Variants in PCSK5 observed in about 807,000 individuals in gnomAD.
The protein encoded by PCSK5 is prohormone convertase 5.
A neutral mutation model predicts 233.2 loss-of-function variants in PCSK5; 129 were observed. That is an observed-to-expected ratio of 0.55 (90% CI 0.48 to 0.64). The LOEUF (loss-of-function observed/expected upper bound fraction) is 0.64. PCSK5 is among the 30% of genes least tolerant of loss of function. The probability of loss-of-function intolerance (pLI) is 0.00; values close to 1 mark genes in which losing one functional copy is unlikely to be tolerated. For synonymous variants in PCSK5, 825 were observed against 879.2 expected (o/e 0.94, Z 1.09); for missense variants, 2,076 against 2,430.1 (o/e 0.85, Z 3.06).
chr9:76,112,177 C>T (rs1382124670), intron 9 of PCSK5, among the ~76,000 whole-genome samples: 1 of 152,072 alleles, frequency 6.6e-6, no homozygotes, highest in Non-Finnish European at 1.5e-5. Flanking sequence ...AATATATGTT[C>T]AGTAATCAAG....
chr9:75,914,096 A>G (rs1371382807), intron 1 of PCSK5, among the ~76,000 whole-genome samples: 1 of 152,226 alleles, frequency 6.6e-6, no homozygotes, highest in South Asian at 2.1e-4. Flanking sequence ...AATGTTATCT[A>G]CAAATCGTGT....
chr9:76,039,972 C>T (rs80029068), intron 5 of PCSK5, among the ~76,000 whole-genome samples: 2,195 of 152,314 alleles, frequency 0.014, 57 homozygotes, highest in African/African-American at 0.048. Context: ...CCTTGTCAAG[C>T]AAGGAGGAGC....
intron 1 of PCSK5, among the ~76,000 whole-genome samples, chr9:75,903,186 C>G (rs954807117): frequency 1.3e-5 from 2 of 152,090 alleles, no homozygotes; most frequent in African/African-American, 4.8e-5. Flanking sequence ...TTAGCCTAAA[C>G]TTTACTACCT....
intron 1 of PCSK5, among the ~76,000 whole-genome samples, chr9:75,897,363 T>C (rs1825850734): frequency 6.6e-6 from 1 of 151,488 alleles, no homozygotes; most frequent in Non-Finnish European, 1.5e-5. Flanking sequence ...CCAAGAGCCA[T>C]GGAGACAGGA....
At chr9:75,942,945 C>A (rs78364007) in intron 2 of PCSK5, among the ~76,000 whole-genome samples, 4 of 138,190 alleles carry the variant, frequency 2.9e-5, no homozygotes, top group Non-Finnish European at 6.0e-5. Flanking sequence ...AGAGCAGTGG[C>A]GCGATCTTGG....
chr9:76,353,330 A>G (rs555712619), intron 36 of PCSK5, among the ~76,000 whole-genome samples: 70 of 152,294 alleles, frequency 4.6e-4, no homozygotes, highest in African/African-American at 1.7e-3. Context: ...TCTCTTCCCA[A>G]AGAGATTTAA....
intron 16 of PCSK5, among the ~76,000 whole-genome samples, chr9:76,184,057 C>T (rs1342691885): frequency 6.6e-6 from 1 of 152,162 alleles, no homozygotes; most frequent in Non-Finnish European, 1.5e-5. Flanking sequence ...ATAGATTTCT[C>T]CAGAATAGAG....
intron 5 of PCSK5, among the ~76,000 whole-genome samples, chr9:76,055,682 C>G (rs368622285): frequency 5.1e-4 from 78 of 152,144 alleles, no homozygotes; most frequent in African/African-American, 1.8e-3. Flanking sequence ...GATAAAGGAG[C>G]CATGAAATCT....
chr9:76,244,490 G>A (rs1423395006), intron 24 of PCSK5, among the ~76,000 whole-genome samples: 1 of 151,264 alleles, frequency 6.6e-6, no homozygotes, highest in Non-Finnish European at 1.5e-5. Flanking sequence ...AGGGGAGTCA[G>A]AGAAAAGTGA....
chr9:76,242,912 C>T (rs60509536), intron 24 of PCSK5, among the ~76,000 whole-genome samples: 5,762 of 152,266 alleles, frequency 0.038, 328 homozygotes, highest in African/African-American at 0.13. Flanking sequence ...AGAAGATCTT[C>T]CTTCCATAGC....
At chr9:76,218,665 G>C (rs1297716837) in intron 20 of PCSK5, among the ~76,000 whole-genome samples, 1 of 151,518 alleles carries the variant, frequency 6.6e-6, no homozygotes, top group Non-Finnish European at 1.5e-5. Context: ...CATCCTATGA[G>C]AGAGAGAGAG....
intron 5 of PCSK5, among the ~76,000 whole-genome samples, chr9:76,054,314 A>G (rs146323847): frequency 2.0e-5 from 3 of 152,362 alleles, no homozygotes; most frequent in East Asian, 1.9e-4. Context: ...ATTTGAGAAG[A>G]CAACCAAAGT....
At chr9:76,246,758 G>A (rs1415269506) in intron 24 of PCSK5, among the ~76,000 whole-genome samples, 1 of 152,206 alleles carries the variant, frequency 6.6e-6, no homozygotes, top group African/African-American at 2.4e-5. Context: ...AAAGAGCAAA[G>A]ACGATCCGTA....
chr9:76,154,352 A>C (rs1018361694), intron 10 of PCSK5, among the ~76,000 whole-genome samples: 1 of 152,170 alleles, frequency 6.6e-6, no homozygotes, highest in African/African-American at 2.4e-5. Flanking sequence ...TTTCTACTTA[A>C]GTGGTTAACA....
intron 2 of PCSK5, among the ~76,000 whole-genome samples, chr9:75,952,897 CT>C (rs1385973346): frequency 6.6e-6 from 1 of 152,112 alleles, no homozygotes; most frequent in East Asian, 1.9e-4. Context: ...CACTATCCAC[CT>C]TTTGGTGTTT....
intron 1 of PCSK5, among the ~76,000 whole-genome samples, chr9:75,924,657 G>A (rs1470670736): frequency 6.6e-6 from 1 of 151,984 alleles, no homozygotes; most frequent in African/African-American, 2.4e-5. Context: ...GGAGATACTT[G>A]GCAATTCTCT....
intron 24 of PCSK5, among the ~76,000 whole-genome samples, chr9:76,266,473 C>T (rs546693364): frequency 6.6e-6 from 1 of 152,178 alleles, no homozygotes; most frequent in African/African-American, 2.4e-5. Flanking sequence ...AAAATAAGCC[C>T]TTTCATCTTT....
chr9:76,093,576 T>TAC (rs1256174625), intron 7 of PCSK5, among the ~76,000 whole-genome samples: 22 of 146,276 alleles, frequency 1.5e-4, no homozygotes, highest in African/African-American at 5.9e-4. Flanking sequence ...TATATATATA[T>TAC]ATATATACAC....
chr9:76,085,932 A>C (rs1318285384), intron 7 of PCSK5, among the ~76,000 whole-genome samples: 6 of 152,138 alleles, frequency 3.9e-5, no homozygotes, highest in African/African-American at 1.4e-4. Context: ...CTGTCCAAAT[A>C]TTTACAGTAA....
Sources: allele counts gnomAD v4.1 joint callset (sites outside exome capture counted in the v4.1 genomes callset), GRCh38; gene constraint gnomAD v4.1.1; transcripts MANE v1.5; gene names NCBI Gene and HGNC (gene_info 2026-07-23, HGNC 2026-07-21).